The following FERRY3 variants were observed in gnomAD, a reference collection of about 807,000 sequenced individuals.
FERRY3 encodes the protein FERRY endosomal RAB5 effector complex subunit 3.
chr12:4,489,924 G>A, the FERRY3 span: 1 of 1,386,386 alleles, frequency 7.2e-7, no homozygotes, highest in Non-Finnish European at 1.0e-6. Flanking sequence ...AATAATAATT[G>A]CACTTGTTAA....
the FERRY3 span, among the ~76,000 whole-genome samples, chr12:4,510,753 C>T: frequency 6.8e-6 from 1 of 146,104 alleles, no homozygotes; most frequent in African/African-American, 2.6e-5. Context: ...AAGCGCTAAA[C>T]ATGGAAAGGA....
chr12:4,538,267 G>A, the FERRY3 span: 1 of 152,774 alleles, frequency 6.5e-6, no homozygotes, highest in Non-Finnish European at 1.5e-5. Context: ...ACAGCCAACA[G>A]AGCGGAGGCT....
chr12:4,500,253 T>C, the FERRY3 span: 2 of 1,614,020 alleles, frequency 1.2e-6, no homozygotes, highest in Non-Finnish European at 8.5e-7. Context: ...AGCAGTGATG[T>C]TTCCCGATTT....
chr12:4,496,251 G>A, the FERRY3 span, among the ~76,000 whole-genome samples: 2 of 152,150 alleles, frequency 1.3e-5, no homozygotes, highest in Non-Finnish European at 2.9e-5. Flanking sequence ...TAAACTGTGA[G>A]CTTTAGAATT....
At chr12:4,510,080 G>A in the FERRY3 span, among the ~76,000 whole-genome samples, 2 of 140,082 alleles carry the variant, frequency 1.4e-5, no homozygotes, top group South Asian at 2.2e-4. Context: ...ACCAAGGCTC[G>A]AGATCTACGT....
chr12:4,502,370 C>T, the FERRY3 span: 6 of 450,214 alleles, frequency 1.3e-5, no homozygotes, highest in Admixed American at 7.2e-5. This position sits in a 1 kb window ranked among gnomAD's most constrained non-coding sequence, Gnocchi z 4.2. Flanking sequence ...TAAGGCTGAA[C>T]GCTGGAGCAG....
chr12:4,500,452 G>A, the FERRY3 span: 2 of 876,500 alleles, frequency 2.3e-6, no homozygotes, highest in Admixed American at 2.2e-5. Context: ...TAGTAGGGGT[G>A]TATCCCAAAC....
At chr12:4,497,490 C>T in the FERRY3 span, among the ~76,000 whole-genome samples, 5,138 of 152,220 alleles carry the variant, frequency 0.034, 287 homozygotes, top group African/African-American at 0.12. Context: ...CCTTTCTATA[C>T]GTGTGTTATA....
the FERRY3 span, among the ~76,000 whole-genome samples, chr12:4,524,675 C>T: frequency 6.6e-6 from 1 of 152,144 alleles, no homozygotes; most frequent in Admixed American, 6.5e-5. Flanking sequence ...AATTCTCAAA[C>T]ATAACAGATA....
the FERRY3 span, among the ~76,000 whole-genome samples, chr12:4,511,287 A>G: frequency 5.0e-4 from 76 of 151,270 alleles, no homozygotes; most frequent in Non-Finnish European, 9.9e-4. Context: ...ACACATTAAT[A>G]ATGGGAGACT....
chr12:4,532,085 A>ATTTT, the FERRY3 span, among the ~76,000 whole-genome samples: 3 of 135,546 alleles, frequency 2.2e-5, no homozygotes, highest in African/African-American at 8.3e-5. Context: ...TAAATTGTGA[A>ATTTT]TTTTTTTTTT....
the FERRY3 span, among the ~76,000 whole-genome samples, chr12:4,495,428 C>T: frequency 1.3e-5 from 2 of 152,024 alleles, no homozygotes; most frequent in African/African-American, 4.8e-5. Flanking sequence ...TTCTTATAAT[C>T]CAGAATTTAC....
chr12:4,524,514 GAA>G, the FERRY3 span, among the ~76,000 whole-genome samples: 3 of 121,504 alleles, frequency 2.5e-5, no homozygotes, highest in African/African-American at 3.1e-5. Flanking sequence ...GGTACACAAC[GAA>G]AAAAAAAAAA....
the FERRY3 span, chr12:4,489,042 T>A: frequency 6.6e-6 from 1 of 152,590 alleles, no homozygotes; most frequent in South Asian, 2.1e-4. Flanking sequence ...GTAGAAATGA[T>A]CTTCCTTGTG....
At chr12:4,520,516 G>A in the FERRY3 span, among the ~76,000 whole-genome samples, 1 of 152,204 alleles carries the variant, frequency 6.6e-6, no homozygotes, top group African/African-American at 2.4e-5. Flanking sequence ...ATGGAGCAGA[G>A]AGACAGAGAA....
At chr12:4,514,882 G>A in the FERRY3 span, among the ~76,000 whole-genome samples, 4 of 151,720 alleles carry the variant, frequency 2.6e-5, no homozygotes, top group African/African-American at 9.7e-5. Context: ...AAAACTTAAA[G>A]TATAATAAAA....
the FERRY3 span, among the ~76,000 whole-genome samples, chr12:4,508,345 A>C: frequency 6.6e-6 from 1 of 152,224 alleles, no homozygotes; most frequent in Non-Finnish European, 1.5e-5. Flanking sequence ...AGAAAGAAAA[A>C]AGCATTCAAA....
At chr12:4,505,053 T>G in the FERRY3 span, among the ~76,000 whole-genome samples, 1 of 152,162 alleles carries the variant, frequency 6.6e-6, no homozygotes, top group Non-Finnish European at 1.5e-5. Flanking sequence ...TGCAGTGAAC[T>G]GAGATCGCAC....
chr12:4,525,148 C>G, the FERRY3 span: 1 of 1,373,286 alleles, frequency 7.3e-7, no homozygotes, highest in African/African-American at 1.5e-5. Flanking sequence ...TGAACTTTCA[C>G]TAGCAAATTA....
Sources: allele counts gnomAD v4.1 joint callset (sites outside exome capture counted in the v4.1 genomes callset), GRCh38; gene constraint gnomAD v4.1.1; non-coding constraint Gnocchi (gnomAD v3.1); transcripts MANE v1.5; gene names NCBI Gene and HGNC (gene_info 2026-07-23, HGNC 2026-07-21).